EXD3: variants seen among roughly 807,000 people sequenced by gnomAD.
The protein encoded by EXD3 is exonuclease mut-7 homolog.
A neutral mutation model predicts 98.0 loss-of-function variants in EXD3; 92 were observed. That is an observed-to-expected ratio of 0.94 (90% CI 0.79 to 1.12). The LOEUF is 1.12. Among genes scored for constraint, EXD3 ranks in the 50% most tolerant of loss-of-function variants. EXD3 has a pLI of 0.00. For missense variants in EXD3, 1,222 were observed against 1,191.6 expected (o/e 1.03, Z -0.38); for synonymous variants, 569 against 526.0 (o/e 1.08, Z -1.12).
At chr9:137,323,683 T>C (rs780930659) in intron 19 of EXD3, 42 bp downstream of exon 19, 7 of 1,601,772 alleles carry the variant, frequency 4.4e-6, no homozygotes, top group Non-Finnish European at 6.0e-6. Context: ...TAGCTCCAGA[T>C]CTTGTGCCAG....
chr9:137,352,859 C>A, intron 10 of EXD3, 73 bp from the exon 11 acceptor site: 1 of 1,500,786 alleles, frequency 6.7e-7, no homozygotes, highest in Non-Finnish European at 8.9e-7. Context: ...CGAGGGACCC[C>A]CGTAGACCCC....
intron 1 of EXD3, among the ~76,000 whole-genome samples, chr9:137,397,228 G>A (rs914721682): frequency 1.1e-4 from 17 of 152,128 alleles, no homozygotes; most frequent in African/African-American, 2.2e-4. Flanking sequence ...AGAGCCTCTC[G>A]CCAGATCCAG....
intron 1 of EXD3, among the ~76,000 whole-genome samples, chr9:137,417,200 G>C (rs1157720932): frequency 6.6e-6 from 1 of 152,172 alleles, no homozygotes; most frequent in African/African-American, 2.4e-5. Context: ...GAGACACACG[G>C]GTCTGGACTC....
In EXD3 at chr9:137,354,709, C is replaced by T; in HGVS notation, c.822G>A (p.Arg274=). The T allele has an allele frequency of 6.2e-7, 1 of 1,610,950 alleles. No homozygotes were observed. The highest frequency in any genetic ancestry group is 8.5e-7 in the Non-Finnish European group (1 of 1,179,692). ...LAALRHLCHK[R]FVEKSLSQEN... ...CCTCCTGCTCACGAACCTCCACAAA[C>T]CGCTTGTGGCACAGGTGCCGCAGGG... Residue 274 remains arginine, a synonymous_variant, in exon 9 of 22, where the codon CGG becomes CGA. Transcript: ENST00000340951.
rs548251087 is a variant in EXD3 at position 137,318,783 on chromosome 9, C to G, written c.2184+4942G>C. Among the ~76,000 whole-genome samples the G allele has an allele frequency of 2.1e-4, 32 of 152,292 alleles. 1 individual carries two copies. In the South Asian group the frequency reaches 6.4e-3, roughly 31 times the overall value. ...GCTACCAGAAAGCCGGCACCAGCAA[C>G]CCCAGCGCCCAGGAGTCCCACCGCC... is the stretch of plus-strand genomic sequence containing the variant. On this transcript the variant is annotated intron_variant, in intron 19 of 21. Transcript: ENST00000340951.
chr9:137,343,649 C>T (rs1258885288), intron 17 of EXD3, among the ~76,000 whole-genome samples: 5 of 115,566 alleles, frequency 4.3e-5, no homozygotes, highest in Admixed American at 1.3e-4. Context: ...AGTGCAGTGG[C>T]GTGATCTCGG....
intron 2 of EXD3, 138 bp from the exon 3 acceptor site, chr9:137,383,515 CTCTG>C (rs1042247554): frequency 1.6e-5 from 10 of 609,058 alleles, no homozygotes; most frequent in Non-Finnish European, 2.9e-5. Context: ...CCTCCCCCAC[CTCTG>C]TCTGGCACAC....
At chr9:137,422,016 T>C (rs1838545197) in intron 1 of EXD3, among the ~76,000 whole-genome samples, 1 of 151,680 alleles carries the variant, frequency 6.6e-6, no homozygotes, top group South Asian at 2.1e-4. Context: ...CTAGAGATGA[T>C]TCAACAGGTG....
chr9:137,387,272 G>A (rs942921816), intron 2 of EXD3, among the ~76,000 whole-genome samples: 1 of 152,132 alleles, frequency 6.6e-6, no homozygotes, highest in Non-Finnish European at 1.5e-5. Flanking sequence ...GGCCATGGCC[G>A]GTGCACGATG....
chr9:137,333,848 T>G (rs1462280101), intron 17 of EXD3, among the ~76,000 whole-genome samples: 1 of 151,958 alleles, frequency 6.6e-6, no homozygotes, highest in East Asian at 1.9e-4. Context: ...TTTCTTTTCT[T>G]TTTTTTTGAG....
chr9:137,365,674 A>G, intron 7 of EXD3: 2 of 258,236 alleles, frequency 7.7e-6, no homozygotes, highest in South Asian at 8.6e-5. Flanking sequence ...ACGCACACAC[A>G]TGCACAGGCA....
chr9:137,352,865 A>C, intron 10 of EXD3, 79 bp from the exon 11 acceptor site: 1 of 1,492,708 alleles, frequency 6.7e-7, no homozygotes, highest in South Asian at 1.3e-5. Flanking sequence ...ACCCCCGTAG[A>C]CCCCGACCTT....
At chr9:137,326,428 AG>A (rs1403830250) in intron 17 of EXD3, among the ~76,000 whole-genome samples, 3 of 152,138 alleles carry the variant, frequency 2.0e-5, no homozygotes, top group African/African-American at 4.8e-5. Context: ...TGGGAGGCTG[AG>A]GCGGGAGGAT....
At chr9:137,335,819 T>C (rs1833326371) in intron 17 of EXD3, among the ~76,000 whole-genome samples, 1 of 152,200 alleles carries the variant, frequency 6.6e-6, no homozygotes, top group African/African-American at 2.4e-5. Flanking sequence ...GAAGTCATTA[T>C]ATCAGAAAGA....
chr9:137,382,500 A>AACG (rs546904153), intron 3 of EXD3, among the ~76,000 whole-genome samples: 308 of 152,274 alleles, frequency 2.0e-3, no homozygotes, highest in African/African-American at 7.0e-3. Context: ...CTGGAAATGG[A>AACG]ACGGCAGAGG....
chr9:137,391,224 G>T (rs1187532580), intron 2 of EXD3, among the ~76,000 whole-genome samples: 1 of 152,256 alleles, frequency 6.6e-6, no homozygotes, highest in Non-Finnish European at 1.5e-5. Context: ...GGTGCATTAC[G>T]AGAGCGGCAT....
rs1422086822 is a variant in EXD3 at position 137,374,777 on chromosome 9, G to A, written c.121-1178C>T. On this transcript the variant is annotated intron_variant, in intron 3 of 21. Coordinates refer to ENST00000340951, the MANE Select transcript of EXD3 (RefSeq NM_017820.5). ...TCCCTCGGGACTCTGGGAAGAAAAGGAAAGCCGCCCTTAAACAAAGCCTGA... is the reference window on the plus strand; with the variant it reads ...TCCCTCGGGACTCTGGGAAGAAAAGAAAAGCCGCCCTTAAACAAAGCCTGA... 1.4e-5 allele frequency: 14 copies of A among 985,372 alleles called. No individual in the cohort carries two copies. In the South Asian group the frequency reaches 5.6e-4, roughly 40 times the overall value. The allele number at this position is 985,372 out of a possible 1,614,324, so 61.0% of individuals were successfully genotyped here. A position where few individuals can be genotyped will look rare whatever the true frequency, so the allele number is the denominator to read the frequency against.
In EXD3 at chr9:137,393,189, TC is replaced by T; in HGVS notation, c.55+2113del. 1 of 702,630 alleles carries T rather than the reference TC, an allele frequency of 1.4e-6. No homozygotes were observed. The highest frequency in any genetic ancestry group is 2.6e-6 in the Non-Finnish European group (1 of 384,900). The allele number at this position is 702,630 out of a possible 1,614,324, so 43.5% of individuals were successfully genotyped here. On this transcript the variant is annotated intron_variant, in intron 2 of 21. Coordinates refer to ENST00000340951, the MANE Select transcript of EXD3 (RefSeq NM_017820.5). The surrounding 1 kb of genome is among the most constrained non-coding windows in gnomAD (Gnocchi z 4.6). ...GCTGGGGTGTTGCACTTTGAAAACA[TC>T]CCACTCTGCTTAGGTGGAGAAGAGG...
At chr9:137,365,228 G>A (rs1835164925) in intron 7 of EXD3, 2 of 152,230 alleles carry the variant, frequency 1.3e-5, no homozygotes, top group Admixed American at 6.5e-5. Flanking sequence ...TGCGAATGAG[G>A]AAACAAACTC....
Sources: allele counts gnomAD v4.1 joint callset (sites outside exome capture counted in the v4.1 genomes callset), GRCh38; gene constraint gnomAD v4.1.1; non-coding constraint Gnocchi (gnomAD v3.1); transcripts MANE v1.5; gene names NCBI Gene and HGNC (gene_info 2026-07-23, HGNC 2026-07-21).